Variants in HHAT observed in about 807,000 individuals in gnomAD.
HHAT encodes the protein protein-cysteine N-palmitoyltransferase HHAT.
In HHAT, 47 loss-of-function variants were observed where a neutral mutation model predicts 70.8. The observed-to-expected ratio is 0.66, with a 90% CI of 0.53 to 0.85. The LOEUF is 0.85. Among genes scored for constraint, HHAT ranks in the 40% least tolerant of loss-of-function variants. HHAT has a pLI of 0.00. For synonymous variants in HHAT, 228 were observed against 247.6 expected, an observed-to-expected ratio of 0.92 and a Z score of 0.74; for missense variants, 609 against 604.8, an observed-to-expected ratio of 1.01 and a Z score of -0.07.
intron 8 of HHAT, among the ~76,000 whole-genome samples, chr1:210,483,803 T>C (rs897390239): frequency 2.0e-5 from 3 of 152,160 alleles, no homozygotes; most frequent in East Asian, 3.8e-4. Flanking sequence ...GGAAAGGAGA[T>C]TAAAGACCCA....
intron 4 of HHAT, among the ~76,000 whole-genome samples, chr1:210,391,878 C>T (rs4845011): frequency 0.6 from 90,959 of 150,522 alleles, 27,788 homozygotes; most frequent in African/African-American, 0.68. Context: ...ATTTTTTTTT[C>T]CCCCCTTTAC....
chr1:210,650,170 C>T (rs1052903848), intron 11 of HHAT, among the ~76,000 whole-genome samples: 2 of 152,210 alleles, frequency 1.3e-5, no homozygotes, highest in Non-Finnish European at 1.5e-5. Context: ...ATTTCCCATT[C>T]TTGAATCCTG....
chr1:210,563,696 A>G (rs184815552), intron 9 of HHAT, among the ~76,000 whole-genome samples: 9 of 152,258 alleles, frequency 5.9e-5, no homozygotes, highest in Admixed American at 3.9e-4. Flanking sequence ...TACTTCTCTG[A>G]TATTTTCCCC....
chr1:210,354,616 C>A (rs2087422785), intron 2 of HHAT, among the ~76,000 whole-genome samples: 1 of 152,136 alleles, frequency 6.6e-6, no homozygotes, highest in South Asian at 2.1e-4. Context: ...CCTGCCTCGG[C>A]CTCCCAAAGT....
intron 9 of HHAT, among the ~76,000 whole-genome samples, chr1:210,574,849 C>T (rs1451011995): frequency 6.6e-6 from 1 of 152,210 alleles, no homozygotes; most frequent in African/African-American, 2.4e-5. Flanking sequence ...AGGCATTGTA[C>T]CAGCACAGTA....
intron 7 of HHAT, among the ~76,000 whole-genome samples, chr1:210,449,848 A>G (rs568604098): frequency 1.3e-5 from 2 of 152,130 alleles, no homozygotes; most frequent in Admixed American, 6.6e-5. Flanking sequence ...AGAAATTTCT[A>G]CTCGCTAATT....
chr1:210,398,052 G>A (rs866092484), intron 4 of HHAT, among the ~76,000 whole-genome samples: 25 of 152,230 alleles, frequency 1.6e-4, no homozygotes, highest in African/African-American at 5.8e-4. Flanking sequence ...AGGCTGGAGC[G>A]CAATGGCGCG....
chr1:210,389,513 G>C (rs1239801859), intron 4 of HHAT, among the ~76,000 whole-genome samples: 1 of 152,178 alleles, frequency 6.6e-6, no homozygotes, highest in Admixed American at 6.5e-5. Flanking sequence ...TGAATCATGG[G>C]GGCAGACTTC....
intron 9 of HHAT, among the ~76,000 whole-genome samples, chr1:210,553,987 G>C (rs994685553): frequency 6.6e-6 from 1 of 152,084 alleles, no homozygotes; most frequent in Non-Finnish European, 1.5e-5. Context: ...TTTTTATTGC[G>C]AACTTAAAGT....
intron 7 of HHAT, among the ~76,000 whole-genome samples, chr1:210,444,890 A>C (rs2093603479): frequency 3.9e-5 from 6 of 152,144 alleles, no homozygotes. Flanking sequence ...CCCAGGCTGG[A>C]GTGCAGTGGC....
chr1:210,538,829 C>T lies in HHAT; in HGVS notation c.1043+25641C>T, dbSNP rs188117858. ...CAGTGGCTAATGCCTGTAATCCCAG[C>T]ACTTTGGGAGGCCGAGGCAGGTGAA... is the stretch of plus-strand genomic sequence containing the variant. On this transcript the variant is annotated intron_variant, in intron 9 of 11. Transcript: ENST00000261458. 9.8e-5 allele frequency among the ~76,000 whole-genome samples: 15 copies of T among 152,292 alleles called. No homozygotes were observed. In the East Asian group the frequency reaches 2.7e-3, roughly 27 times the overall value.
At chr1:210,509,444 C>CTGT (rs1391330681) in intron 8 of HHAT, among the ~76,000 whole-genome samples, 1 of 152,200 alleles carries the variant, frequency 6.6e-6, no homozygotes, top group Non-Finnish European at 1.5e-5. Flanking sequence ...AACCAAGGTA[C>CTGT]TGTTCCCTGG....
intron 6 of HHAT, among the ~76,000 whole-genome samples, chr1:210,406,122 G>A (rs1163876165): frequency 6.6e-6 from 1 of 152,120 alleles, no homozygotes; most frequent in African/African-American, 2.4e-5. Flanking sequence ...GGTGGGCACA[G>A]CATAGGGTGG....
At chr1:210,642,942 C>T (rs989349288) in intron 11 of HHAT, among the ~76,000 whole-genome samples, 2 of 152,158 alleles carry the variant, frequency 1.3e-5, no homozygotes, top group African/African-American at 4.8e-5. Flanking sequence ...AGATATTGCT[C>T]TATGTTATCT....
At chr1:210,605,617 C>A (rs1459205216) in intron 10 of HHAT, among the ~76,000 whole-genome samples, 1 of 152,174 alleles carries the variant, frequency 6.6e-6, no homozygotes, top group Non-Finnish European at 1.5e-5. Context: ...CGTGTATTAT[C>A]ATTATTCCCA....
rs2095222210 is a variant in HHAT at position 210,524,869 on chromosome 1, ATTTC to A, written c.1043+11687_1043+11690del. On this transcript the variant is annotated intron_variant, in intron 9 of 11. Coordinates refer to ENST00000261458, the MANE Select transcript of HHAT (RefSeq NM_018194.6). The stretch of plus-strand genomic sequence containing the variant: ...AACAATAGACCTAAAATACCTCTTA[ATTTC>A]TTTCTGCTTGCCTGGTGTGTTCTAA... 4.0e-5 allele frequency among the ~76,000 whole-genome samples: 6 copies of A among 151,788 alleles called. No homozygotes were observed. In the South Asian group the frequency reaches 1.3e-3, roughly 32 times the overall value.
At chr1:210,419,509 G>C (rs184241957) in intron 7 of HHAT, among the ~76,000 whole-genome samples, 3 of 152,250 alleles carry the variant, frequency 2.0e-5, no homozygotes, top group African/African-American at 7.2e-5. Flanking sequence ...CCTGTGCTCT[G>C]ACCTCCAGCC....
intron 8 of HHAT, among the ~76,000 whole-genome samples, chr1:210,507,567 G>C (rs2094882038): frequency 6.6e-6 from 1 of 151,764 alleles, no homozygotes; most frequent in Non-Finnish European, 1.5e-5. Flanking sequence ...CATCATTTTG[G>C]CCGGGCTGGT....
intron 9 of HHAT, among the ~76,000 whole-genome samples, chr1:210,526,322 G>T (rs181296815): frequency 1.4e-4 from 21 of 149,278 alleles, no homozygotes; most frequent in Admixed American, 1.3e-4. Context: ...CAGAGATTGT[G>T]CAAACTGCCT....
Sources: allele counts gnomAD v4.1 joint callset (sites outside exome capture counted in the v4.1 genomes callset), GRCh38; gene constraint gnomAD v4.1.1; transcripts MANE v1.5; gene names NCBI Gene and HGNC (gene_info 2026-07-23, HGNC 2026-07-21).